Variants in PSD3 observed in about 807,000 individuals in gnomAD.
PSD3 encodes the protein PH and SEC7 domain-containing protein 3.
In PSD3, 49 loss-of-function variants were observed where a neutral mutation model predicts 105.5. That is an observed-to-expected ratio of 0.46 (90% CI 0.37 to 0.59). The LOEUF is 0.59. Among genes scored for constraint, PSD3 ranks in the 20% least tolerant of loss-of-function variants. PSD3 has a pLI of 0.00. For synonymous variants in PSD3, 557 were observed against 457.8 expected, an observed-to-expected ratio of 1.22 and a Z score of -2.77; for missense variants, 1,561 against 1,263.8, an observed-to-expected ratio of 1.24 and a Z score of -3.57.
chr8:18,963,651 T>A (rs2129471341), intron 1 of PSD3, among the ~76,000 whole-genome samples: 1 of 152,248 alleles, frequency 6.6e-6, no homozygotes. Flanking sequence ...CAACGCTAGC[T>A]GGGAGAAAAT....
chr8:18,653,042 A>C (rs7461128), intron 10 of PSD3, among the ~76,000 whole-genome samples: 61,378 of 152,030 alleles, frequency 0.4, 12,935 homozygotes, highest in South Asian at 0.52. Context: ...ATTGAACAGG[A>C]TGATAACAGA....
chr8:19,062,987 A>T (rs181858220), intron 1 of PSD3, among the ~76,000 whole-genome samples: 116 of 152,334 alleles, frequency 7.6e-4, no homozygotes, highest in African/African-American at 2.1e-3. Flanking sequence ...TTTGTTAATT[A>T]AAAAAAGAAG....
In PSD3 at chr8:18,884,709, G is replaced by A. The variant is rs533183691; in HGVS notation, c.131-11976C>T. ...ACGAACAGAAAATATTCCATTAATT[G>A]GACACTCTTTCCCCAAGTGATTAAT... On this transcript the variant is annotated intron_variant, in intron 2 of 15. Coordinates refer to ENST00000327040, the MANE Select transcript of PSD3 (RefSeq NM_015310.4). 2.6e-5 allele frequency among the ~76,000 whole-genome samples: 4 copies of A among 151,388 alleles called. No homozygotes were observed. The Middle Eastern group carries it at 0.01, about 397-fold the overall frequency.
chr8:18,593,733 A>G (rs1190393625), intron 12 of PSD3, among the ~76,000 whole-genome samples: 2 of 152,124 alleles, frequency 1.3e-5, no homozygotes, highest in African/African-American at 4.8e-5. Context: ...CCAAATGTCC[A>G]TCAGTGATAG....
intron 8 of PSD3, among the ~76,000 whole-genome samples, chr8:18,781,543 T>C (rs1808624953): frequency 6.6e-6 from 1 of 152,332 alleles, no homozygotes; most frequent in East Asian, 1.9e-4. Context: ...CCGTGGAACA[T>C]GGCCTGGAAG....
chr8:18,590,790 G>C (rs572485483), intron 12 of PSD3, among the ~76,000 whole-genome samples: 1 of 152,084 alleles, frequency 6.6e-6, no homozygotes, highest in African/African-American at 2.4e-5. Context: ...GTTTATAAAT[G>C]ATCTAGGGAC....
At chr8:18,563,003 C>T (rs575973698) in intron 14 of PSD3, among the ~76,000 whole-genome samples, 10 of 152,318 alleles carry the variant, frequency 6.6e-5, no homozygotes, top group East Asian at 3.9e-4. Flanking sequence ...TTCTGCATTA[C>T]GGCAGCACTT....
chr8:18,648,845 G>A (rs949043296), intron 10 of PSD3, among the ~76,000 whole-genome samples: 1 of 152,230 alleles, frequency 6.6e-6, no homozygotes, highest in African/African-American at 2.4e-5. Flanking sequence ...AAAGGGCCAA[G>A]GTACAGCTCA....
At chr8:18,690,318 T>C (rs528454618) in intron 9 of PSD3, among the ~76,000 whole-genome samples, 1 of 152,328 alleles carries the variant, frequency 6.6e-6, no homozygotes, top group Admixed American at 6.5e-5. Context: ...TTCCATGCGG[T>C]AACATGACTA....
chr8:18,859,143 G>A (rs1816242963), intron 4 of PSD3, among the ~76,000 whole-genome samples: 1 of 151,642 alleles, frequency 6.6e-6, no homozygotes, highest in Non-Finnish European at 1.5e-5. Flanking sequence ...AACTACATCA[G>A]TCTTCTTGTA....
At chr8:18,729,352 C>G (rs981302797) in intron 9 of PSD3, among the ~76,000 whole-genome samples, 2 of 152,166 alleles carry the variant, frequency 1.3e-5, no homozygotes, top group Admixed American at 6.5e-5. Flanking sequence ...TTAACTGACT[C>G]CTTTAACCCA....
At position 19,030,554 on chromosome 8, in the gene PSD3, G is replaced by A. The variant is rs966955460; in HGVS notation, c.324+53652C>T. 2.6e-5 allele frequency among the ~76,000 whole-genome samples: 4 copies of A among 152,086 alleles called. No individual in the cohort carries two copies. In the South Asian group the frequency reaches 6.2e-4, roughly 24 times the overall value. On this transcript the variant is annotated intron_variant, in intron 1 of 1. Transcript: ENST00000521475. ...CTCTGCCGACCACACTTTCTCTCTTGCTCTTGCTTTCACTATGTGACTTGT... is the reference window on the plus strand; with the variant it reads ...CTCTGCCGACCACACTTTCTCTCTTACTCTTGCTTTCACTATGTGACTTGT...
At chr8:18,992,325 C>A (rs1051953511) in intron 1 of PSD3, among the ~76,000 whole-genome samples, 3 of 148,290 alleles carry the variant, frequency 2.0e-5, no homozygotes, top group African/African-American at 7.4e-5. Context: ...AAAAAAAAAT[C>A]TTCTAATCTT....
chr8:18,849,860 G>A (rs1218414788), intron 4 of PSD3, among the ~76,000 whole-genome samples: 1 of 152,076 alleles, frequency 6.6e-6, no homozygotes. Flanking sequence ...TGGTCCAATC[G>A]ATGAGTTCCC....
chr8:18,852,350 G>A (rs1213516088), intron 4 of PSD3, among the ~76,000 whole-genome samples: 2 of 152,134 alleles, frequency 1.3e-5, no homozygotes, highest in Admixed American at 1.3e-4. Context: ...AGACAGAAAG[G>A]GACAATCTAG....
chr8:18,616,619 T>C (rs1805688977), intron 11 of PSD3, among the ~76,000 whole-genome samples: 1 of 47,504 alleles, frequency 2.1e-5, no homozygotes, highest in Non-Finnish European at 4.9e-5. Context: ...TCTTCCTCTC[T>C]TTTCTTTTCT....
chr8:18,983,025 C>T (rs968940667), intron 1 of PSD3, among the ~76,000 whole-genome samples: 3 of 152,212 alleles, frequency 2.0e-5, no homozygotes, highest in Admixed American at 6.5e-5. Flanking sequence ...TACATTGAAA[C>T]TGTGATGTTT....
At chr8:18,875,040 C>T (rs1038631399) in intron 2 of PSD3, among the ~76,000 whole-genome samples, 1 of 152,128 alleles carries the variant, frequency 6.6e-6, no homozygotes, top group Non-Finnish European at 1.5e-5. Context: ...TCCAGCCTCT[C>T]GGGTAGCTGG....
intron 9 of PSD3, among the ~76,000 whole-genome samples, chr8:18,670,959 G>A (rs1048792006): frequency 3.9e-5 from 6 of 152,148 alleles, no homozygotes; most frequent in Non-Finnish European, 7.3e-5. Flanking sequence ...GAAAAATAGA[G>A]ATGACATTAG....
Sources: allele counts gnomAD v4.1 joint callset (sites outside exome capture counted in the v4.1 genomes callset), GRCh38; gene constraint gnomAD v4.1.1; transcripts MANE v1.5; gene names NCBI Gene and HGNC (gene_info 2026-07-23, HGNC 2026-07-21).